Variants in UBR4 observed in about 807,000 individuals in gnomAD.
The protein encoded by UBR4 is E3 ubiquitin-protein ligase UBR4.
Under a neutral mutation model 575.6 loss-of-function variants are expected in UBR4, and 124 were observed. The ratio of observed to expected loss-of-function variants is 0.22; its 90% confidence interval spans 0.19 to 0.25. UBR4 has a LOEUF of 0.25. UBR4 is among the 10% of genes least tolerant of loss of function. UBR4 has a pLI of 1.00. For missense variants in UBR4, 4,818 were observed against 6,478.8 expected (o/e 0.74, Z 8.80); for synonymous variants, 2,455 against 2,473.7 (o/e 0.99, Z 0.22).
intron 97 of UBR4, among the ~76,000 whole-genome samples, chr1:19,091,635 C>G (rs956803057): frequency 1.3e-5 from 2 of 152,348 alleles, no homozygotes; most frequent in African/African-American, 4.8e-5. Flanking sequence ...ATCTTCCAAA[C>G]AGTTCAAACT....
In UBR4 at chr1:19,100,633, G is replaced by T; in HGVS notation, c.13024-60C>A. ...TGGCAGAGGTGGAGATTTATACCAT[G>T]CTACCTTGTTCCATGGACACTCGAG... On this transcript the variant is annotated intron_variant, in intron 88 of 105. Coordinates refer to ENST00000375254, the MANE Select transcript of UBR4 (RefSeq NM_020765.3). This position sits in a 1 kb window ranked among gnomAD's most constrained non-coding sequence, Gnocchi z 4.2. 1 of 1,538,974 alleles carries T rather than the reference G, an allele frequency of 6.5e-7. No homozygotes were observed. The highest frequency in any genetic ancestry group is 9.0e-7 in the Non-Finnish European group (1 of 1,114,616).
chr1:19,078,930 G>C (rs2148464958), intron 103 of UBR4: 1 of 152,280 alleles, frequency 6.6e-6, no homozygotes, highest in African/African-American at 2.4e-5. Context: ...TGAAATATCA[G>C]TGTCAGGATT....
chr1:19,193,351 T>C, intron 9 of UBR4, 82 bp downstream of exon 9: 1 of 1,553,092 alleles, frequency 6.4e-7, no homozygotes, highest in Non-Finnish European at 8.7e-7. Flanking sequence ...AGTTCTTTCT[T>C]CTATCATGGA....
intron 44 of UBR4, among the ~76,000 whole-genome samples, chr1:19,154,514 CCATTA>C (rs2086180486): frequency 6.6e-6 from 1 of 152,162 alleles, no homozygotes; most frequent in African/African-American, 2.4e-5. Context: ...AACCATGCCC[CCATTA>C]CTGATACGTT....
At chr1:19,176,377 A>G (rs934129663) in intron 20 of UBR4, among the ~76,000 whole-genome samples, 6 of 152,222 alleles carry the variant, frequency 3.9e-5, no homozygotes, top group Admixed American at 6.5e-5. Context: ...TACAGGCATG[A>G]GCCACAGTGC....
intron 29 of UBR4, among the ~76,000 whole-genome samples, chr1:19,166,061 C>T (rs569039175): frequency 6.6e-6 from 1 of 152,316 alleles, no homozygotes; most frequent in African/African-American, 2.4e-5. Context: ...ACACTTTGGA[C>T]AAATCATTTC....
At position 19,088,949 on chromosome 1, in the gene UBR4, T is replaced by C; in HGVS notation, c.14240A>G (p.Asn4747Ser). ...GGACACCTGCTCCAGCTTATGCAGG[T>C]TCGGGATGGAATCAGTTCCAATCAG... ...QVLIGTDSIP[N>S]LHKLEQVSSD... Residue 4747 changes from asparagine (N) to serine (S), a missense_variant, in exon 98 of 106, where the codon AAC becomes AGC. Transcript: ENST00000375254. This position sits in a 1 kb window ranked among gnomAD's most constrained non-coding sequence, Gnocchi z 4.0. 1.2e-6 allele frequency: 2 copies of C among 1,614,140 alleles called. No individual in the cohort carries two copies. The highest frequency in any genetic ancestry group is 2.2e-5 in the South Asian group (2 of 91,080).
At chr1:19,121,527 C>T (rs1253372813) in intron 67 of UBR4, 93 bp from the exon 68 acceptor site, 1 of 1,453,610 alleles carries the variant, frequency 6.9e-7, no homozygotes, top group African/African-American at 1.4e-5. Context: ...TGAGACTGCC[C>T]TGTTCTCACC....
intron 7 of UBR4, 76 bp from the exon 8 acceptor site, chr1:19,197,341 A>G: frequency 1.3e-6 from 2 of 1,591,768 alleles, no homozygotes; most frequent in Non-Finnish European, 1.7e-6. Flanking sequence ...AGAAATTATC[A>G]GCATGGGCCC....
intron 70 of UBR4, 39 bp from the exon 71 acceptor site, chr1:19,118,996 A>C: frequency 1.3e-6 from 2 of 1,598,110 alleles, no homozygotes; most frequent in East Asian, 4.5e-5. Flanking sequence ...TTAAAGCCCA[A>C]GGTGAAGTCT....
intron 60 of UBR4, among the ~76,000 whole-genome samples, chr1:19,129,936 A>G (rs2082241690): frequency 6.6e-6 from 1 of 151,978 alleles, no homozygotes; most frequent in Non-Finnish European, 1.5e-5. Flanking sequence ...GAAACCATAT[A>G]CCTATTTTTT....
chr1:19,197,147 A>G lies in UBR4; in HGVS notation c.1012T>C (p.Tyr338His), dbSNP rs1158890962. The change falls in exon 8 of 106, where the codon TAT (tyrosine) becomes CAT (histidine). Residue 338 changes from tyrosine to histidine, a missense_variant. By Grantham distance (83) the Tyr-to-His change is moderately conservative. Transcript: ENST00000375254. ...AGATATAATAACTTCTCACCTGCAT[A>G]CAGACAACTTAGGCTGAGGACTGTC... Reference protein sequence around the residue: ...DVTVLSLSCLYAGVSVATCMA... With the variant: ...DVTVLSLSCLHAGVSVATCMA... 3 of 1,614,066 alleles carry G rather than the reference A, an allele frequency of 1.9e-6. No homozygotes were observed. In the South Asian group the frequency reaches 3.3e-5, roughly 18 times the overall value.
At chr1:19,094,331 G>T (rs116305912) in intron 94 of UBR4, among the ~76,000 whole-genome samples, 192 bp from the exon 95 acceptor site, 329 of 152,270 alleles carry the variant, frequency 2.2e-3, no homozygotes, top group African/African-American at 7.8e-3. Flanking sequence ...CTAAATTTCT[G>T]TGACAGTGCT....
intron 60 of UBR4, among the ~76,000 whole-genome samples, chr1:19,137,455 T>C (rs2083322869): frequency 6.6e-6 from 1 of 152,356 alleles, no homozygotes; most frequent in East Asian, 1.9e-4. Context: ...CACTTCACCA[T>C]CTAGTACTAA....
intron 1 of UBR4, among the ~76,000 whole-genome samples, chr1:19,206,342 T>C (rs995964396): frequency 6.6e-6 from 1 of 151,884 alleles, no homozygotes; most frequent in Non-Finnish European, 1.5e-5. Context: ...GTCTCTCTTT[T>C]TTTTTTTTTA....
chr1:19,165,694 G>A lies in UBR4; in HGVS notation c.4173C>T (p.Ser1391=), dbSNP rs769398969. ...LQYLEKQLES[S]QARKAMEEFF... ...ACTCCTCCATAGCTTTACGAGCCTG[G>A]CTACTTTCCAGCTGCTTTTCCAAGT... Residue 1391 remains serine (S), a synonymous_variant, in exon 30 of 106, where the codon AGC becomes AGT. Transcript: ENST00000375254. The A allele has an allele frequency of 6.2e-6, 10 of 1,614,144 alleles. No individual in the cohort carries two copies. In the East Asian group the frequency reaches 1.6e-4, roughly 25 times the overall value.
intron 49 of UBR4, among the ~76,000 whole-genome samples, chr1:19,149,406 A>T (rs1257664461): frequency 3.9e-5 from 6 of 152,190 alleles, no homozygotes; most frequent in African/African-American, 1.4e-4. Context: ...ACTGAGGCAT[A>T]AAACAAATTT....
Position 19,139,225 on chromosome 1 carries a change from G to C in UBR4, c.8594-5C>G, listed in dbSNP as rs2083546637. On this transcript the variant is annotated splice_region_variant and splice_polypyrimidine_tract_variant and intron_variant, in intron 58 of 105. Transcript: ENST00000375254. This position sits in a 1 kb window ranked among gnomAD's most constrained non-coding sequence, Gnocchi z 4.2. ...CCTCGTCGTCTGAGGCTGGAGCTGAGAGAGTAACGAGAGCTGTTACAGGTT... is the reference window on the plus strand; with the variant it reads ...CCTCGTCGTCTGAGGCTGGAGCTGACAGAGTAACGAGAGCTGTTACAGGTT... The C allele has an allele frequency of 6.3e-7, 1 of 1,598,868 alleles. No homozygotes were observed. The highest frequency in any genetic ancestry group is 8.5e-7 in the Non-Finnish European group (1 of 1,172,512).
At position 19,086,037 on chromosome 1, in the gene UBR4, A is replaced by T. The variant is rs1167754907; in HGVS notation, c.14813+108T>A. 2.1e-6 allele frequency: 3 copies of T among 1,457,730 alleles called. No individual in the cohort carries two copies. The African/African-American group carries it at 4.2e-5, about 20-fold the overall frequency. The allele number at this position is 1,457,730 out of a possible 1,614,324, so 90.3% of individuals were successfully genotyped here. On this transcript the variant is annotated intron_variant, in intron 101 of 105. Transcript: ENST00000375254. ...GCAAGCAGACAGACATGGATTCCCA[A>T]GGAAGGTAACAGGAAATGGTGTCAC...
Sources: gnomAD v4.1 joint callset for allele counts (sites outside exome capture counted in the v4.1 genomes callset) on GRCh38, gnomAD v4.1.1 for gene constraint, Gnocchi (gnomAD v3.1) non-coding constraint, MANE v1.5 for transcripts, NCBI Gene and HGNC (gene_info 2026-07-23, HGNC 2026-07-21) for gene names.